NCOR2: variants seen among roughly 807,000 people sequenced by gnomAD.
NCOR2 encodes the protein CTG repeat protein 26.
Under a neutral mutation model 262.9 loss-of-function variants are expected in NCOR2, and 81 were observed. The observed-to-expected ratio is 0.31, with a 90% CI of 0.26 to 0.37. NCOR2 has a LOEUF of 0.37. NCOR2 is among the 10% of genes least tolerant of loss of function. NCOR2 has a pLI of 1.00. For synonymous variants in NCOR2, 1,659 were observed against 1,559.3 expected (o/e 1.06, Z -1.51); for missense variants, 3,385 against 3,621.4 (o/e 0.93, Z 1.68).
chr12:124,348,165 T>G lies in NCOR2; in HGVS notation c.3985+9A>C. The G allele has an allele frequency of 6.2e-7, 1 of 1,609,308 alleles. No homozygotes were observed. Among genetic ancestry groups the G allele is most frequent in the South Asian group, 1.1e-5 (1 of 91,062 alleles). On this transcript the variant is annotated intron_variant, in intron 29 of 46. Coordinates refer to ENST00000405201, the Ensembl canonical transcript of NCOR2. ...GCACCGAGAGATGAAGTCTCCTCCC[T>G]GCTATCACCTTCGATGCTGGCTGAG...
chr12:124,408,151 G>A (rs1593405644), intron 13 of NCOR2, among the ~76,000 whole-genome samples: 3 of 152,134 alleles, frequency 2.0e-5, no homozygotes, highest in Admixed American at 6.5e-5. Flanking sequence ...TCAGGAAATC[G>A]AGACCATCCT....
chr12:124,567,605 G>T (rs1186207870), upstream of NCOR2: 1 of 119,188 alleles, frequency 8.4e-6, no homozygotes, highest in Non-Finnish European at 1.9e-5. Flanking sequence ...GGCCGCGGCG[G>T]CGGTGGCGGC....
At position 124,487,910 on chromosome 12, in the gene NCOR2, TCAAA is replaced by T. The variant is rs917186282; in HGVS notation, c.106-1346_106-1343del. On this transcript the variant is annotated intron_variant, in intron 1 of 46. Coordinates refer to ENST00000405201, the Ensembl canonical transcript of NCOR2. The stretch of plus-strand genomic sequence containing the variant: ...AAAAAAAAAGACAGTAACAAGCCTC[TCAAA>T]CAAAAACAAGACAGGCTTCACTTAC... 1.0e-4 allele frequency among the ~76,000 whole-genome samples: 15 copies of T among 147,904 alleles called. No homozygotes were observed. In the South Asian group the frequency reaches 3.0e-3, roughly 30 times the overall value.
At chr12:124,358,120 A>AGTGCATGGATGTGTGTGT (rs1336417961) in intron 22 of NCOR2, among the ~76,000 whole-genome samples, 2 of 84,842 alleles carry the variant, frequency 2.4e-5, no homozygotes, top group South Asian at 3.8e-4. Flanking sequence ...CGTGCGTGTG[A>AGTGCATGGATGTGTGTGT]GTGCATGGAT....
chr12:124,346,654 G>T, exon 31 of NCOR2: 1 of 1,588,550 alleles, frequency 6.3e-7, no homozygotes, highest in Non-Finnish European at 8.5e-7. Flanking sequence ...CATGGATGGA[G>T]CGGCCCGCCT....
intron 1 of NCOR2, among the ~76,000 whole-genome samples, chr12:124,542,240 C>T (rs931585321): frequency 6.6e-6 from 1 of 152,030 alleles, no homozygotes; most frequent in Non-Finnish European, 1.5e-5. Flanking sequence ...CGGGCCATTG[C>T]CTCGGGGCTC....
At position 124,385,279 on chromosome 12, in the gene NCOR2, C is replaced by A. The variant is rs538769644; in HGVS notation, c.2019+466G>T. Among the ~76,000 whole-genome samples, 118 of 152,342 alleles carry A rather than the reference C, an allele frequency of 7.7e-4. 1 individual carries two copies. Among genetic ancestry groups the A allele is most frequent in the African/African-American group, 2.7e-3 (113 of 41,578 alleles). ...GCTGAGACGTCCGCCCCCGCCCCCC[C>A]AGACCTGTCCCTCCCCAACCACGGC... On this transcript the variant is annotated intron_variant, in intron 17 of 46. Coordinates refer to ENST00000405201, the Ensembl canonical transcript of NCOR2.
At chr12:124,467,197 C>T (rs555104753) in intron 4 of NCOR2, among the ~76,000 whole-genome samples, 2 of 132,550 alleles carry the variant, frequency 1.5e-5, no homozygotes, top group African/African-American at 5.8e-5. Context: ...TCACCCTGCT[C>T]GTCCTCATCC....
chr12:124,421,147 C>G (rs1233730599), intron 12 of NCOR2, among the ~76,000 whole-genome samples: 1 of 152,254 alleles, frequency 6.6e-6, no homozygotes, highest in South Asian at 2.1e-4. Flanking sequence ...GGCTGGTCCA[C>G]CTGGCTCCCA....
At chr12:124,518,150 G>A (rs1397932147) in intron 1 of NCOR2, 1 of 151,938 alleles carries the variant, frequency 6.6e-6, no homozygotes, top group Non-Finnish European at 1.5e-5. Context: ...CCGAGCACAT[G>A]ACCAACCTCG....
At chr12:124,334,600 G>A (rs1199112225) in exon 41 of NCOR2, 1 of 1,408,146 alleles carries the variant, frequency 7.1e-7, no homozygotes, top group Non-Finnish European at 9.2e-7. Flanking sequence ...GCCGGGTGTA[G>A]TCCTGTGTGA....
intron 1 of NCOR2, among the ~76,000 whole-genome samples, chr12:124,546,247 G>A (rs1594050262): frequency 6.6e-6 from 1 of 152,306 alleles, no homozygotes; most frequent in East Asian, 1.9e-4. Flanking sequence ...CTCAGTGAGC[G>A]AATGCCTGCC....
chr12:124,503,447 G>A lies in NCOR2; in HGVS notation c.-117-8079C>T, dbSNP rs939532696. On this transcript the variant is annotated intron_variant, in intron 1 of 46. Transcript: ENST00000404621. The surrounding 1 kb of genome is among the most constrained non-coding windows in gnomAD (Gnocchi z 4.3). ...TGAATGCATGCATGGATAGAGAAAG[G>A]AGGAAGGATGCATGGACTGATGGAT... is the stretch of plus-strand genomic sequence containing the variant. Among the ~76,000 whole-genome samples, 1 of 152,022 alleles carries A rather than the reference G, an allele frequency of 6.6e-6. No homozygotes were observed. Among genetic ancestry groups the A allele is most frequent in the African/African-American group, 2.4e-5 (1 of 41,404 alleles).
chr12:124,510,177 A>G (rs2049312445), intron 1 of NCOR2, among the ~76,000 whole-genome samples: 1 of 152,066 alleles, frequency 6.6e-6, no homozygotes, highest in African/African-American at 2.4e-5. Flanking sequence ...CTCAATCTGG[A>G]GCAGGTGGCG....
rs77071050 is a variant in NCOR2 at position 124,349,684 on chromosome 12, T to C, written c.3844+903A>G. On this transcript the variant is annotated intron_variant, in intron 28 of 46. Coordinates refer to ENST00000405201, the Ensembl canonical transcript of NCOR2. ...TAAAGGCCCCGACTGAAACCCATGATGAAGACGATACGCTGAAGGCCTATA... is the reference window on the plus strand; with the variant it reads ...TAAAGGCCCCGACTGAAACCCATGACGAAGACGATACGCTGAAGGCCTATA... Among the ~76,000 whole-genome samples, 138 of 152,264 alleles carry C rather than the reference T, an allele frequency of 9.1e-4. 3 individuals carry two copies. The East Asian group carries it at 0.014, about 16-fold the overall frequency.
chr12:124,347,968 G>A, intron 29 of NCOR2, 57 bp from the exon 32 acceptor site: 2 of 1,509,414 alleles, frequency 1.3e-6, no homozygotes, highest in Non-Finnish European at 1.8e-6. Context: ...ACACTGGGCA[G>A]TGACAGGGGT....
intron 16 of NCOR2, among the ~76,000 whole-genome samples, chr12:124,392,727 T>TCTCCAGG (rs200938916): frequency 0.015 from 2,213 of 149,838 alleles, 48 homozygotes; most frequent in African/African-American, 0.049. Context: ...GAGGTCCTGC[T>TCTCCAGG]CTCCAGGCTC....
chr12:124,564,139 C>T (rs1159981660), intron 1 of NCOR2, among the ~76,000 whole-genome samples: 1 of 152,244 alleles, frequency 6.6e-6, no homozygotes, highest in Non-Finnish European at 1.5e-5. Flanking sequence ...GATCCACAGC[C>T]TTTTCCAACA....
At chr12:124,437,106 TAAAC>T (rs1275667504) in intron 8 of NCOR2, among the ~76,000 whole-genome samples, 12 of 151,550 alleles carry the variant, frequency 7.9e-5, no homozygotes, top group South Asian at 2.1e-4. Context: ...AATAAATAAA[TAAAC>T]AAATAAAATG....
Sources: allele counts gnomAD v4.1 joint callset (sites outside exome capture counted in the v4.1 genomes callset), GRCh38; gene constraint gnomAD v4.1.1; non-coding constraint Gnocchi (gnomAD v3.1); transcripts MANE v1.5; gene names NCBI Gene and HGNC (gene_info 2026-07-23, HGNC 2026-07-21).